The following PCLO variants were observed in gnomAD, a reference collection of about 807,000 sequenced individuals.
The protein encoded by PCLO is piccolo presynaptic cytomatrix protein, also known as protein piccolo.
PCLO carries 82 observed loss-of-function variants against 427.5 expected under a neutral mutation model. The observed-to-expected ratio is 0.19, with a 90% confidence interval of 0.16 to 0.23. The LOEUF is 0.23. Ranked by LOEUF, PCLO falls within the 10% of genes least tolerant of loss-of-function variation. The probability of loss-of-function intolerance (pLI) is 1.00; values close to 1 mark genes in which losing one functional copy is unlikely to be tolerated. For missense variants in PCLO, 6,239 were observed against 6,115.9 expected (o/e 1.02, Z -0.67); for synonymous variants, 2,357 against 2,155.4 (o/e 1.09, Z -2.59).
chr7:83,125,365 C>T lies in PCLO; in HGVS notation c.3300+8885G>A, dbSNP rs535813807. 2.2e-4 allele frequency among the ~76,000 whole-genome samples: 34 copies of T among 152,292 alleles called. No individual in the cohort carries two copies. The South Asian group carries it at 6.6e-3, about 30-fold the overall frequency. On this transcript the variant is annotated intron_variant, in intron 3 of 24. Coordinates refer to ENST00000333891, the MANE Select transcript of PCLO (RefSeq NM_033026.6). Reference sequence around the variant, plus strand: ...CTGGGAAGTGGGGGGCTGCTCTGCCCGGCCACCACCCCATCTGGGAGGTGG... The same window carrying T: ...CTGGGAAGTGGGGGGCTGCTCTGCCTGGCCACCACCCCATCTGGGAGGTGG...
chr7:82,796,905 T>C (rs1025253255), intron 22 of PCLO, among the ~76,000 whole-genome samples: 3 of 151,102 alleles, frequency 2.0e-5, no homozygotes, highest in African/African-American at 4.9e-5. Context: ...TTGCATATAA[T>C]AGATACACTC....
chr7:82,921,016 A>T (rs1351663091), intron 6 of PCLO, among the ~76,000 whole-genome samples: 1 of 151,830 alleles, frequency 6.6e-6, no homozygotes, highest in Non-Finnish European at 1.5e-5. Context: ...TCTAAAATGC[A>T]TGGCTCTAGA....
chr7:82,966,021 G>A lies in PCLO; in HGVS notation c.3767C>T (p.Ala1256Val). The A allele has an allele frequency of 6.2e-7, 1 of 1,613,498 alleles. No individual in the cohort carries two copies. Among genetic ancestry groups the A allele is most frequent in the Non-Finnish European group, 8.5e-7 (1 of 1,179,782 alleles). Reference protein sequence around the residue: ...KKLLPEAKTSAPEEQKHDLLK... With the variant: ...KKLLPEAKTSVPEEQKHDLLK... The stretch of plus-strand genomic sequence containing the variant: ...TAAGTCATGTTTCTGTTCTTCTGGG[G>A]CTGATGTTTTTGCCTCTGGGAGTAG... The change falls in exon 4 of 25, where the codon GCC (alanine) becomes GTC (valine). Residue 1256 changes from alanine to valine, a missense_variant. Physicochemically the swap from Ala to Val is moderately conservative, Grantham distance 64 (BLOSUM62 0). This residue lies in a region of PCLO where 4,677 missense variants were observed against 4,468.4 expected (regional missense o/e 1.05). Transcript: ENST00000333891.
At chr7:82,791,370 A>G (rs544492890) in intron 22 of PCLO, among the ~76,000 whole-genome samples, 6 of 152,338 alleles carry the variant, frequency 3.9e-5, no homozygotes, top group African/African-American at 1.4e-4. Context: ...TCCAGAGTGC[A>G]ATGTAAATTA....
intron 10 of PCLO, among the ~76,000 whole-genome samples, chr7:82,870,522 G>C (rs543818816): frequency 6.6e-6 from 1 of 151,912 alleles, no homozygotes; most frequent in Admixed American, 6.6e-5. Flanking sequence ...CAGGACATTG[G>C]TATGGGCAAA....
At chr7:82,918,164 T>G (rs529476770) in intron 6 of PCLO, among the ~76,000 whole-genome samples, 1 of 152,080 alleles carries the variant, frequency 6.6e-6, no homozygotes, top group African/African-American at 2.4e-5. Context: ...CGGTAGTTTG[T>G]TTTTCCTCAT....
At chr7:82,907,027 C>G (rs1468535284) in intron 8 of PCLO, among the ~76,000 whole-genome samples, 1 of 151,606 alleles carries the variant, frequency 6.6e-6, no homozygotes, top group Non-Finnish European at 1.5e-5. Context: ...ACCCAGTAGA[C>G]CAAAACCATA....
chr7:83,043,320 C>G (rs1189502381), intron 3 of PCLO, among the ~76,000 whole-genome samples: 2 of 152,250 alleles, frequency 1.3e-5, no homozygotes, highest in South Asian at 2.1e-4. Context: ...TTTCCTTTGA[C>G]CTTTCAGTAC....
intron 3 of PCLO, among the ~76,000 whole-genome samples, chr7:83,125,015 C>T (rs1288930213): frequency 3.3e-5 from 5 of 152,154 alleles, no homozygotes; most frequent in East Asian, 3.9e-4. Flanking sequence ...CTTGGCCTCC[C>T]GAGGTGCTGG....
chr7:83,079,887 C>G (rs374075077), intron 3 of PCLO, among the ~76,000 whole-genome samples: 1 of 151,658 alleles, frequency 6.6e-6, no homozygotes, highest in African/African-American at 2.4e-5. Context: ...ACTCACCCCC[C>G]CACAGACCCC....
chr7:82,968,685 A>AT (rs1186575092), intron 3 of PCLO, among the ~76,000 whole-genome samples: 1 of 151,700 alleles, frequency 6.6e-6, no homozygotes, highest in Non-Finnish European at 1.5e-5. Flanking sequence ...ATACCCAGCT[A>AT]TTTTTTGCAT....
At chr7:83,050,748 A>T (rs75559329) in intron 3 of PCLO, among the ~76,000 whole-genome samples, 10 of 21,812 alleles carry the variant, frequency 4.6e-4, no homozygotes, top group African/African-American at 1.1e-3. Flanking sequence ...ACTAAAAATT[A>T]AAAAAAAAAA....
rs1279304530 is a variant in PCLO, at chr7:82,835,658, C to A, written c.14249+9G>T. On this transcript the variant is annotated intron_variant, in intron 16 of 24. Coordinates refer to ENST00000333891, the MANE Select transcript of PCLO (RefSeq NM_033026.6). The stretch of plus-strand genomic sequence containing the variant: ...GCAGAGCTTGACACTGAAAGAGAAA[C>A]AACTCTACCTTGCATTCTGGACAAC... The A allele has an allele frequency of 6.2e-7, 1 of 1,607,570 alleles. No individual in the cohort carries two copies. Among genetic ancestry groups the A allele is most frequent in the South Asian group, 1.1e-5 (1 of 89,660 alleles).
At chr7:82,822,422 A>G (rs1054170417) in intron 20 of PCLO, 73 bp downstream of exon 20, 24 of 1,610,764 alleles carry the variant, frequency 1.5e-5, no homozygotes, top group Middle Eastern at 2.1e-4. Flanking sequence ...GCAAACAGGA[A>G]AGGACAGCAG....
intron 3 of PCLO, among the ~76,000 whole-genome samples, chr7:83,122,386 A>G (rs1437237525): frequency 6.6e-6 from 1 of 151,200 alleles, no homozygotes. Context: ...CCCAGGTTCA[A>G]GTGATTCTCC....
chr7:82,928,892 T>C (rs1156597888), intron 6 of PCLO, among the ~76,000 whole-genome samples: 1 of 152,044 alleles, frequency 6.6e-6, no homozygotes, highest in Non-Finnish European at 1.5e-5. Context: ...TAGAAAGGCA[T>C]TGGTAATCCT....
chr7:82,822,529 G>C lies in PCLO; in HGVS notation c.14757C>G (p.Ala4919=), dbSNP rs746086173. The C allele has an allele frequency of 5.6e-6, 9 of 1,613,758 alleles. No individual in the cohort carries two copies. Among genetic ancestry groups the C allele is most frequent in the Non-Finnish European group, 7.6e-6 (9 of 1,179,832 alleles). ...LEDAGAAIAA[A]EAAVQQLRIQ... is the part of the protein sequence containing the mutation. ...TGCGGAGTTGTTGCACGGCAGCTTC[G>C]GCAGCAGCTATGGCAGCCCCTGCAT... Residue 4919 remains alanine, a synonymous_variant, in exon 20 of 25, where the codon GCC becomes GCG. Coordinates refer to ENST00000333891, the MANE Select transcript of PCLO (RefSeq NM_033026.6).
At chr7:83,002,187 C>G (rs954745086) in intron 3 of PCLO, among the ~76,000 whole-genome samples, 2 of 151,746 alleles carry the variant, frequency 1.3e-5, no homozygotes, top group Non-Finnish European at 2.9e-5. Flanking sequence ...TATACTAGAT[C>G]TTTTTCTCAT....
chr7:82,971,261 T>C (rs1270492985), intron 3 of PCLO, among the ~76,000 whole-genome samples: 2 of 151,758 alleles, frequency 1.3e-5, no homozygotes, highest in African/African-American at 2.4e-5. Context: ...TAGCCAGATA[T>C]AGCATTAACT....
Sources: gnomAD v4.1 joint callset for allele counts (sites outside exome capture counted in the v4.1 genomes callset) on GRCh38, gnomAD v4.1.1 for gene constraint, gnomAD v4.1.1 regional missense constraint, MANE v1.5 for transcripts, NCBI Gene and HGNC (gene_info 2026-07-23, HGNC 2026-07-21) for gene names.